KANSL1: variants seen among roughly 807,000 people sequenced by gnomAD.
KANSL1 encodes MLL1/MLL complex subunit KANSL1.
A neutral mutation model predicts 103.6 loss-of-function variants in KANSL1; 22 were observed. That is an observed-to-expected ratio of 0.21 (90% CI 0.15 to 0.30). The LOEUF (loss-of-function observed/expected upper bound fraction) is 0.30, where lower values mean the gene tolerates loss of function less well. Among genes scored for constraint, KANSL1 ranks in the 10% least tolerant of loss-of-function variants. KANSL1 has a pLI of 1.00. For missense variants in KANSL1, 1,337 were observed against 1,399.8 expected, an observed-to-expected ratio of 0.96 and a Z score of 0.72; for synonymous variants, 600 against 527.6, an observed-to-expected ratio of 1.14 and a Z score of -1.88.
chr17:46,110,725 G>A (rs2042766472), intron 2 of KANSL1, among the ~76,000 whole-genome samples: 1 of 152,154 alleles, frequency 6.6e-6, no homozygotes, highest in Non-Finnish European at 1.5e-5. Context: ...AAATACTAAT[G>A]GAAAAGAATA....
intron 2 of KANSL1, among the ~76,000 whole-genome samples, chr17:46,159,061 T>C (rs1193929972): frequency 6.6e-6 from 1 of 152,136 alleles, no homozygotes; most frequent in Non-Finnish European, 1.5e-5. Context: ...GGTTGCCTCA[T>C]GAGAAAAGCA....
chr17:46,047,335 TATAA>T (rs2077548566), intron 7 of KANSL1, among the ~76,000 whole-genome samples: 2 of 152,260 alleles, frequency 1.3e-5, no homozygotes, highest in African/African-American at 4.8e-5. Flanking sequence ...TGATTGTTTT[TATAA>T]ATAAACTTTT....
chr17:46,168,974 A>G (rs2046145046), intron 2 of KANSL1, among the ~76,000 whole-genome samples: 1 of 152,244 alleles, frequency 6.6e-6, no homozygotes, highest in Non-Finnish European at 1.5e-5. Context: ...TTGGTTTGTA[A>G]CGCTTACCTA....
intron 2 of KANSL1, among the ~76,000 whole-genome samples, chr17:46,152,403 GA>G (rs1480690569): frequency 1.3e-5 from 2 of 152,142 alleles, no homozygotes; most frequent in African/African-American, 4.8e-5. Flanking sequence ...GAAAACAACA[GA>G]ATACTTTTTG....
intron 2 of KANSL1, among the ~76,000 whole-genome samples, chr17:46,127,509 C>T (rs1184297396): frequency 6.6e-6 from 1 of 152,212 alleles, no homozygotes; most frequent in Non-Finnish European, 1.5e-5. Context: ...TGGTGGCTCA[C>T]ACCTGCAATC....
At chr17:46,152,592 G>GC (rs1415682339) in intron 2 of KANSL1, among the ~76,000 whole-genome samples, 2 of 140,780 alleles carry the variant, frequency 1.4e-5, no homozygotes, top group South Asian at 2.5e-4. Context: ...AGGGGGGGGG[G>GC]GGATTTCAGA....
chr17:46,059,647 A>AGAGAGAGAGAGAGAGAGAG (rs149985527), intron 6 of KANSL1, among the ~76,000 whole-genome samples: 12 of 54,858 alleles, frequency 2.2e-4, no homozygotes, highest in Middle Eastern at 0.013. Context: ...AAAAAAAAAA[A>AGAGAGAGAGAGAGAGAGAG]AGAGAGAGAG....
intron 7 of KANSL1, chr17:46,040,088 A>T (rs987023450): frequency 2.1e-6 from 1 of 467,228 alleles, no homozygotes; most frequent in East Asian, 3.3e-5. Context: ...TTTTACTTTC[A>T]AGTCCCAAAG....
chr17:46,220,067 C>T (rs62070911), intron 1 of KANSL1, among the ~76,000 whole-genome samples: 13,713 of 143,320 alleles, frequency 0.096, no homozygotes, highest in Non-Finnish European at 0.15. Context: ...TGCGCCACTG[C>T]ACTCTAGCCT....
At chr17:46,032,937 A>C in intron 13 of KANSL1, 143 bp downstream of exon 13, 1 of 637,934 alleles carries the variant, frequency 1.6e-6, no homozygotes. Flanking sequence ...ACACCAAGGA[A>C]ATTCTGAGCT....
chr17:46,092,371 GGTGA>G (rs1172728079), intron 3 of KANSL1, among the ~76,000 whole-genome samples: 4 of 152,158 alleles, frequency 2.6e-5, no homozygotes, highest in Non-Finnish European at 5.9e-5. Context: ...AACCAAATGA[GGTGA>G]GTATCTTCTT....
chr17:46,180,250 C>T (rs2046720754), intron 1 of KANSL1, among the ~76,000 whole-genome samples: 1 of 152,096 alleles, frequency 6.6e-6, no homozygotes, highest in Admixed American at 6.5e-5. Flanking sequence ...AATCCCCGCA[C>T]TTTGGGAGGC....
intron 1 of KANSL1, among the ~76,000 whole-genome samples, chr17:46,205,801 G>A (rs1421985192): frequency 1.3e-5 from 2 of 149,552 alleles, no homozygotes; most frequent in African/African-American, 5.0e-5. Flanking sequence ...GGAAAGGCCA[G>A]GTGTGATGGC....
At chr17:46,152,100 G>A (rs983837427) in intron 2 of KANSL1, among the ~76,000 whole-genome samples, 1 of 152,246 alleles carries the variant, frequency 6.6e-6, no homozygotes, top group Admixed American at 6.5e-5. Context: ...TTAACTGGGT[G>A]AGAGTCCTCA....
upstream of KANSL1, among the ~76,000 whole-genome samples, chr17:46,194,930 T>C (rs1055574071): frequency 6.6e-6 from 1 of 152,246 alleles, no homozygotes; most frequent in Non-Finnish European, 1.5e-5. Context: ...AATCACACTC[T>C]CAAGCATAGT....
chr17:46,162,602 T>A (rs2045799639), intron 2 of KANSL1, among the ~76,000 whole-genome samples: 1 of 152,176 alleles, frequency 6.6e-6, no homozygotes, highest in African/African-American at 2.4e-5. Flanking sequence ...CCACAAGCCC[T>A]CATCACCCCT....
chr17:46,224,184 C>A (rs1258571035), upstream of KANSL1, among the ~76,000 whole-genome samples: 1 of 152,256 alleles, frequency 6.6e-6, no homozygotes, highest in Non-Finnish European at 1.5e-5. Flanking sequence ...TAAAACTTCT[C>A]TAATCATCCC....
At chr17:46,055,614 G>C (rs930907851) in intron 6 of KANSL1, among the ~76,000 whole-genome samples, 2 of 152,090 alleles carry the variant, frequency 1.3e-5, no homozygotes, top group Non-Finnish European at 2.9e-5. Context: ...CTTGAGGGGG[G>C]AGGGGAGACA....
At chr17:46,052,085 G>A (rs2077730035) in intron 6 of KANSL1, among the ~76,000 whole-genome samples, 1 of 152,136 alleles carries the variant, frequency 6.6e-6, no homozygotes. Flanking sequence ...TGGAGAGGAT[G>A]ACATTTTGAG....
Sources: allele counts gnomAD v4.1 joint callset (sites outside exome capture counted in the v4.1 genomes callset), GRCh38; gene constraint gnomAD v4.1.1; transcripts MANE v1.5; gene names NCBI Gene and HGNC (gene_info 2026-07-23, HGNC 2026-07-21).